The following STK32B variants were observed in gnomAD, a reference collection of about 807,000 sequenced individuals.
The protein encoded by STK32B is serine/threonine-protein kinase 32B.
STK32B carries 43 observed loss-of-function variants against 52.6 expected under a neutral mutation model. The ratio of observed to expected loss-of-function variants is 0.82; its 90% CI spans 0.64 to 1.05. The LOEUF (loss-of-function observed/expected upper bound fraction) is 1.05. Ranked by LOEUF, STK32B falls within the 50% of genes least tolerant of loss-of-function variation. The pLI, the probability that STK32B is intolerant of heterozygous loss-of-function variation, is 0.00. For synonymous variants in STK32B, 238 were observed against 204.3 expected (o/e 1.17, Z -1.41); for missense variants, 621 against 534.6 (o/e 1.16, Z -1.59).
chr4:5,317,302 A>AACATATAACATATATATAAT lies in STK32B; in HGVS notation c.261-13917_261-13916insCATATAACATATATATAATA, dbSNP rs1560313745. On this transcript the variant is annotated intron_variant, in intron 3 of 11. Coordinates refer to ENST00000282908, the MANE Select transcript of STK32B (RefSeq NM_018401.3). ...AACATATAACATATATATAATATAT[A>AACATATAACATATATATAAT]ATATATAACATATGTATAATATATA... Among the ~76,000 whole-genome samples the AACATATAACATATATATAAT allele has an allele frequency of 5.0e-5, 2 of 39,672 alleles. 1 individual carries two copies. Among genetic ancestry groups the AACATATAACATATATATAAT allele is most frequent in the Admixed American group, 7.5e-4 (2 of 2,666 alleles). 26.0% of individuals were successfully genotyped at this position (39,672 alleles called of 152,430 possible).
At chr4:5,321,029 G>A (rs1337406190) in intron 3 of STK32B, among the ~76,000 whole-genome samples, 1 of 152,164 alleles carries the variant, frequency 6.6e-6, no homozygotes, top group Non-Finnish European at 1.5e-5. Flanking sequence ...TGTAGTTGAA[G>A]GGAAGGGTCT....
intron 3 of STK32B, among the ~76,000 whole-genome samples, chr4:5,230,178 CTTTTTTTTTTTTTTT>C (rs752036100): frequency 2.0e-4 from 14 of 71,116 alleles, no homozygotes; most frequent in South Asian, 4.2e-4. Flanking sequence ...CATGCATTCC[CTTTTTTTTTTTTTTT>C]TTTTTTTTTT....
At chr4:5,327,174 C>T (rs775204396) in intron 3 of STK32B, among the ~76,000 whole-genome samples, 4 of 151,816 alleles carry the variant, frequency 2.6e-5, no homozygotes, top group Admixed American at 1.3e-4. Context: ...CTACTTTTAC[C>T]ACGTCTGCAG....
At chr4:5,212,183 A>C (rs548542172) in intron 3 of STK32B, among the ~76,000 whole-genome samples, 2 of 152,254 alleles carry the variant, frequency 1.3e-5, no homozygotes, top group African/African-American at 4.8e-5. Context: ...CATCATTTTT[A>C]ATTTTCACAA....
chr4:5,399,915 AAC>A lies in STK32B; in HGVS notation c.472+1675_472+1676del, dbSNP rs1737180611. ...CAGAAGCAGGGTAAAGAGGTGAGAA[AAC>A]ACAGAGGCTGGTTCTGCTTAGCTGT... On this transcript the variant is annotated intron_variant, in intron 5 of 11. Transcript: ENST00000282908. This position sits in a 1 kb window ranked among gnomAD's most constrained non-coding sequence, Gnocchi z 5.4. 6.6e-6 allele frequency among the ~76,000 whole-genome samples: 1 copy of A among 152,080 alleles called. No homozygotes were observed. The highest frequency in any genetic ancestry group is 1.5e-5 in the Non-Finnish European group (1 of 68,016).
intron 3 of STK32B, among the ~76,000 whole-genome samples, chr4:5,209,983 T>C (rs568129654): frequency 6.6e-6 from 1 of 152,330 alleles, no homozygotes; most frequent in African/African-American, 2.4e-5. Flanking sequence ...AATATGTGAA[T>C]TTCTAGAGGC....
chr4:5,233,218 T>A (rs935940628), intron 3 of STK32B, among the ~76,000 whole-genome samples: 3 of 152,110 alleles, frequency 2.0e-5, no homozygotes, highest in Non-Finnish European at 2.9e-5. Flanking sequence ...TACCAAGATT[T>A]TGAATTAAGT....
At chr4:5,452,418 C>T (rs1486199516) in intron 7 of STK32B, among the ~76,000 whole-genome samples, 1 of 152,024 alleles carries the variant, frequency 6.6e-6, no homozygotes, top group Non-Finnish European at 1.5e-5. Context: ...GAGCACTGTG[C>T]CAGGAGTCAC....
intron 3 of STK32B, among the ~76,000 whole-genome samples, chr4:5,276,461 T>A (rs550725181): frequency 2.0e-5 from 3 of 152,260 alleles, no homozygotes; most frequent in African/African-American, 7.2e-5. Context: ...TTCTTGGGGC[T>A]ATGACTTCAA....
chr4:5,221,919 G>A (rs1723565746), intron 3 of STK32B, among the ~76,000 whole-genome samples: 1 of 151,282 alleles, frequency 6.6e-6, no homozygotes, highest in Non-Finnish European at 1.5e-5. Flanking sequence ...GCCTTTAAGA[G>A]ATGATTAGGC....
chr4:5,325,218 T>A (rs1270079997), intron 3 of STK32B, among the ~76,000 whole-genome samples: 1 of 152,196 alleles, frequency 6.6e-6, no homozygotes, highest in Non-Finnish European at 1.5e-5. Context: ...TTATTTTATG[T>A]AGACTCATGG....
At chr4:5,459,329 C>A (rs536457848) in intron 8 of STK32B, among the ~76,000 whole-genome samples, 1 of 150,118 alleles carries the variant, frequency 6.7e-6, no homozygotes, top group East Asian at 2.1e-4. Flanking sequence ...CTTACCAGTC[C>A]CATTTGGTCT....
chr4:5,337,413 C>A (rs571800197), intron 4 of STK32B, among the ~76,000 whole-genome samples: 72 of 152,128 alleles, frequency 4.7e-4, no homozygotes, highest in African/African-American at 1.7e-3. Context: ...TTCTCAAATA[C>A]TAGGAAAATG....
chr4:5,349,728 T>C (rs1733707246), intron 4 of STK32B, among the ~76,000 whole-genome samples: 1 of 151,958 alleles, frequency 6.6e-6, no homozygotes, highest in Non-Finnish European at 1.5e-5. Context: ...TGAAAAGCAA[T>C]GCAAAGAAAT....
chr4:5,128,074 T>C (rs1308010496), intron 1 of STK32B, among the ~76,000 whole-genome samples: 1 of 152,186 alleles, frequency 6.6e-6, no homozygotes, highest in African/African-American at 2.4e-5. Context: ...GGTATATGTT[T>C]ATTAGCAGCG....
At chr4:5,215,807 G>C (rs1448620137) in intron 3 of STK32B, among the ~76,000 whole-genome samples, 1 of 152,140 alleles carries the variant, frequency 6.6e-6, no homozygotes, top group Non-Finnish European at 1.5e-5. Flanking sequence ...AGCTCACCTT[G>C]CCTGACTCAG....
chr4:5,417,080 C>T (rs1363045698), intron 6 of STK32B, 146 bp downstream of exon 6: 2 of 696,838 alleles, frequency 2.9e-6, no homozygotes, highest in African/African-American at 3.6e-5. Context: ...AGATACAATG[C>T]TCCCTCGAAG....
chr4:5,366,611 C>G (rs984084122), intron 4 of STK32B, among the ~76,000 whole-genome samples: 1 of 152,202 alleles, frequency 6.6e-6, no homozygotes, highest in African/African-American at 2.4e-5. Flanking sequence ...CACGGGTGGC[C>G]CAGTCACCCG....
chr4:5,032,211 C>T, the STK32B span, among the ~76,000 whole-genome samples: 1 of 150,298 alleles, frequency 6.7e-6, no homozygotes, highest in Non-Finnish European at 1.5e-5. Context: ...CAGTGGCTCA[C>T]ACCTGTAATC....
Sources: gnomAD v4.1 joint callset for allele counts (sites outside exome capture counted in the v4.1 genomes callset) on GRCh38, gnomAD v4.1.1 for gene constraint, Gnocchi (gnomAD v3.1) non-coding constraint, MANE v1.5 for transcripts, NCBI Gene and HGNC (gene_info 2026-07-23, HGNC 2026-07-21) for gene names.